The following SAMD4A variants were observed in gnomAD, a reference collection of about 807,000 sequenced individuals.
The protein encoded by SAMD4A is protein Smaug homolog 1.
Under a neutral mutation model 81.3 loss-of-function variants are expected in SAMD4A, and 33 were observed. That is an observed-to-expected ratio of 0.41 (90% confidence interval 0.31 to 0.54). The LOEUF is 0.54. Among genes scored for constraint, SAMD4A ranks in the 20% least tolerant of loss-of-function variants. The pLI is 0.37. For missense variants in SAMD4A, 854 were observed against 951.1 expected (o/e 0.90, Z 1.34); for synonymous variants, 389 against 382.1 (o/e 1.02, Z -0.21).
intron 2 of SAMD4A, among the ~76,000 whole-genome samples, chr14:54,634,538 G>A (rs1431490333): frequency 6.6e-6 from 1 of 152,090 alleles, no homozygotes; most frequent in Non-Finnish European, 1.5e-5. Context: ...TGCATGCACA[G>A]TTCACAATAG....
chr14:54,676,809 G>A (rs1417941727), intron 2 of SAMD4A, among the ~76,000 whole-genome samples: 1 of 152,214 alleles, frequency 6.6e-6, no homozygotes, highest in Non-Finnish European at 1.5e-5. Context: ...CATAAACACA[G>A]TAAGCAATTC....
chr14:54,582,761 G>A (rs1320353058), intron 2 of SAMD4A, among the ~76,000 whole-genome samples: 1 of 152,068 alleles, frequency 6.6e-6, no homozygotes, highest in East Asian at 1.9e-4. Flanking sequence ...ATTGTACCTT[G>A]GTCACACCAG....
chr14:54,737,860 C>T (rs1452394040), intron 4 of SAMD4A, among the ~76,000 whole-genome samples: 1 of 152,124 alleles, frequency 6.6e-6, no homozygotes, highest in African/African-American at 2.4e-5. Flanking sequence ...GAATCTCTAA[C>T]AGTGTTTTAA....
intron 3 of SAMD4A, among the ~76,000 whole-genome samples, chr14:54,711,740 G>A (rs893472220): frequency 6.6e-6 from 1 of 152,034 alleles, no homozygotes; most frequent in African/African-American, 2.4e-5. Flanking sequence ...GGAAAGGATG[G>A]CTGCTAGGCC....
Position 54,784,543 on chromosome 14 carries a change from A to G in SAMD4A, c.2051A>G (p.Gln684Arg). Residue 684 changes from glutamine to arginine, a missense_variant, in exon 12 of 13, where the codon CAG becomes CGG. Gln to Arg is a conservative substitution (Grantham distance 43). Coordinates refer to ENST00000554335, the MANE Select transcript of SAMD4A (RefSeq NM_015589.6). ...AACCCTTTATCGCCTGCAGAATTCCAGCTTCCCGTGACCGAACCTGACATC... is the reference window on the plus strand; with the variant it reads ...AACCCTTTATCGCCTGCAGAATTCCGGCTTCCCGTGACCGAACCTGACATC... ...NMLMFQQPEF[Q>R]LPVTEPDINN... The G allele has an allele frequency of 1.2e-6, 2 of 1,614,090 alleles. No homozygotes were observed. Among genetic ancestry groups the G allele is most frequent in the African/African-American group, 1.3e-5 (1 of 75,000 alleles).
At chr14:54,603,771 A>G (rs1330420900) in intron 2 of SAMD4A, among the ~76,000 whole-genome samples, 1 of 150,748 alleles carries the variant, frequency 6.6e-6, no homozygotes, top group African/African-American at 2.4e-5. Context: ...AAAAAAAAAG[A>G]ACTTTTGTAT....
chr14:54,727,440 C>T (rs559528061), intron 3 of SAMD4A, among the ~76,000 whole-genome samples: 5 of 152,130 alleles, frequency 3.3e-5, no homozygotes, highest in Admixed American at 6.5e-5. Flanking sequence ...CCACCCGCCT[C>T]GGCCTCCCAA....
intron 2 of SAMD4A, among the ~76,000 whole-genome samples, chr14:54,573,200 A>G (rs1191328493): frequency 6.6e-6 from 1 of 152,212 alleles, no homozygotes; most frequent in Non-Finnish European, 1.5e-5. Flanking sequence ...AGCAGGTCAC[A>G]TATATTTGTA....
At chr14:54,668,516 TC>T (rs573332417) in intron 2 of SAMD4A, among the ~76,000 whole-genome samples, 65 of 152,328 alleles carry the variant, frequency 4.3e-4, no homozygotes, top group African/African-American at 1.5e-3. Flanking sequence ...GCGTCCAGTT[TC>T]CCCAAATGCC....
intron 9 of SAMD4A, among the ~76,000 whole-genome samples, chr14:54,773,926 C>T (rs887888479): frequency 1.3e-4 from 20 of 152,336 alleles, no homozygotes; most frequent in African/African-American, 3.8e-4. Context: ...CCTGGTGGGC[C>T]TCACAGGCTT....
chr14:54,707,793 A>C (rs1424113748), intron 3 of SAMD4A, among the ~76,000 whole-genome samples: 1 of 152,090 alleles, frequency 6.6e-6, no homozygotes, highest in Non-Finnish European at 1.5e-5. Flanking sequence ...TGGAGCAAAG[A>C]TCCCAAGACA....
In SAMD4A at chr14:54,567,875, G is replaced by A; in HGVS notation, c.-42G>A. 1.3e-6 allele frequency: 2 copies of A among 1,573,164 alleles called. No homozygotes were observed. The highest frequency in any genetic ancestry group is 1.7e-6 in the Non-Finnish European group (2 of 1,168,276). On this transcript the variant is annotated 5_prime_UTR_variant, in exon 2 of 13. Coordinates refer to ENST00000554335, the MANE Select transcript of SAMD4A (RefSeq NM_015589.6). ...CTTTGGGGCGGGCGGGGCGGGCTGG[G>A]GCGCCCAGGGGGCTCTGTAGACCGA...
intron 2 of SAMD4A, among the ~76,000 whole-genome samples, chr14:54,587,863 C>T (rs1013654329): frequency 1.5e-4 from 23 of 152,034 alleles, no homozygotes; most frequent in African/African-American, 5.1e-4. Context: ...TTTGTTATGC[C>T]TTTCCCTGGT....
chr14:54,733,261 C>G (rs554676610), intron 3 of SAMD4A, among the ~76,000 whole-genome samples: 1 of 152,122 alleles, frequency 6.6e-6, no homozygotes. Flanking sequence ...TTATTTACTT[C>G]GGATTCATTT....
At chr14:54,630,474 A>T (rs2034868659) in intron 2 of SAMD4A, among the ~76,000 whole-genome samples, 1 of 152,192 alleles carries the variant, frequency 6.6e-6, no homozygotes. Context: ...AGCCATTTGT[A>T]TATCTTCTTT....
At chr14:54,724,803 C>G (rs577533072) in intron 3 of SAMD4A, among the ~76,000 whole-genome samples, 1 of 152,336 alleles carries the variant, frequency 6.6e-6, no homozygotes, top group South Asian at 2.1e-4. Context: ...TTGTGAACAG[C>G]TGGCTTCTTT....
chr14:54,651,747 G>C (rs937558913), intron 2 of SAMD4A, among the ~76,000 whole-genome samples: 1 of 152,180 alleles, frequency 6.6e-6, no homozygotes, highest in Admixed American at 6.5e-5. Flanking sequence ...AGCCAAAGTA[G>C]TGATGTATTC....
intron 2 of SAMD4A, among the ~76,000 whole-genome samples, chr14:54,649,633 G>T (rs1237412433): frequency 6.6e-6 from 1 of 152,178 alleles, no homozygotes; most frequent in Non-Finnish European, 1.5e-5. Flanking sequence ...CCTTGTGCAT[G>T]AATGTATTTT....
chr14:54,572,776 A>T (rs755891829), intron 2 of SAMD4A, among the ~76,000 whole-genome samples: 4 of 152,222 alleles, frequency 2.6e-5, no homozygotes, highest in Non-Finnish European at 4.4e-5. Context: ...CTTGTTAATG[A>T]TCCAGCAAGG....
Sources: gnomAD v4.1 joint callset for allele counts (sites outside exome capture counted in the v4.1 genomes callset) on GRCh38, gnomAD v4.1.1 for gene constraint, MANE v1.5 for transcripts, NCBI Gene and HGNC (gene_info 2026-07-23, HGNC 2026-07-21) for gene names.